The following AFMID variants were observed in gnomAD, a reference collection of about 807,000 sequenced individuals.
The protein encoded by AFMID is arylformamidase.
In AFMID, 39 loss-of-function variants were observed where a neutral mutation model predicts 47.5. The ratio of observed to expected loss-of-function variants is 0.82; its 90% CI spans 0.64 to 1.07. The LOEUF is 1.07. AFMID is among the 50% of genes least tolerant of loss of function. AFMID has a pLI of 0.00. For missense variants in AFMID, 375 were observed against 387.5 expected (o/e 0.97, Z 0.27); for synonymous variants, 130 against 153.2 (o/e 0.85, Z 1.12).
rs116736631 is a variant in AFMID at position 78,202,884 on chromosome 17, G to C, written c.308+133G>C. 2.4e-3 allele frequency: 2,685 copies of C among 1,104,172 alleles called. 34 individuals are homozygous for C. In the African/African-American group the frequency reaches 0.036, roughly 15 times the overall value. The allele number at this position is 1,104,172 out of a possible 1,614,324, so 68.4% of individuals were successfully genotyped here. A position where few individuals can be genotyped will look rare whatever the true frequency, so the allele number is the denominator to read the frequency against. On this transcript the variant is annotated intron_variant, in intron 4 of 10. Coordinates refer to ENST00000409257, the MANE Select transcript of AFMID (RefSeq NM_001010982.5). ...TGCAGGGCTGTGTCTCACAGCGCTG[G>C]AGAACGGAAGTCTCAAGTCAAATGT...
rs371248651 is a variant in AFMID at position 78,202,045 on chromosome 17, G to T, written c.155-454G>T. Reference sequence around the variant, plus strand: ...GCACCCAGCCTGGCAGTCCTCTTTCGATGGGAGGTGCTCAGAGCTGAAGCT... The same window carrying T: ...GCACCCAGCCTGGCAGTCCTCTTTCTATGGGAGGTGCTCAGAGCTGAAGCT... On this transcript the variant is annotated intron_variant, in intron 2 of 10. Coordinates refer to ENST00000409257, the MANE Select transcript of AFMID (RefSeq NM_001010982.5). 4.6e-5 allele frequency among the ~76,000 whole-genome samples: 7 copies of T among 151,898 alleles called. No homozygotes were observed. In the South Asian group the frequency reaches 1.5e-3, roughly 32 times the overall value.
rs774994433 is a variant in AFMID, at chr17:78,205,499, G to A, written c.625G>A (p.Val209Ile). 5 of 1,614,112 alleles carry A rather than the reference G, an allele frequency of 3.1e-6. No individual in the cohort carries two copies. Among genetic ancestry groups the A allele is most frequent in the South Asian group, 1.1e-5 (1 of 91,078 alleles). The change falls in exon 8 of 11, where the codon GTT becomes ATT. Residue 209 changes from valine to isoleucine, a missense_variant. Val to Ile is a conservative substitution (Grantham distance 29, BLOSUM62 3). Transcript: ENST00000409257. ...LEPIVYTSQNVALQLTLEDAQ... is the reference protein window; with the variant it reads ...LEPIVYTSQNIALQLTLEDAQ... ...GCCCATCGTGTATACTTCACAGAAC[G>A]TTGCTCTCCAGCTGACCCTGTGAGT...
At chr17:78,190,821 G>T in intron 1 of AFMID, 149 bp from the exon 2 acceptor site, 1 of 664,312 alleles carries the variant, frequency 1.5e-6, no homozygotes, top group African/African-American at 1.8e-5. Flanking sequence ...TATACCTCTA[G>T]ACCATGGATC....
At chr17:78,190,698 C>T (rs886814878) in intron 1 of AFMID, 4 of 379,442 alleles carry the variant, frequency 1.1e-5, no homozygotes, top group Admixed American at 4.2e-5. Flanking sequence ...CCTGGCCTCC[C>T]CTGGTCGTAA....
chr17:78,202,822 G>T, intron 4 of AFMID, 71 bp downstream of exon 4: 1 of 1,532,298 alleles, frequency 6.5e-7, no homozygotes, highest in Non-Finnish European at 8.8e-7. Context: ...CTCCTCCAGG[G>T]CTGCCGCAAC....
chr17:78,203,061 T>G (rs894307505), intron 4 of AFMID: 5 of 262,718 alleles, frequency 1.9e-5, no homozygotes, highest in African/African-American at 1.3e-4. Context: ...CTCTCTTTTT[T>G]TTTTTTTTTT....
At chr17:78,194,399 G>A (rs775482941) in intron 2 of AFMID, among the ~76,000 whole-genome samples, 6 of 152,208 alleles carry the variant, frequency 3.9e-5, no homozygotes, top group Non-Finnish European at 5.9e-5. Context: ...GATTATAGGC[G>A]TGAGCCACAC....
At position 78,204,912 on chromosome 17, in the gene AFMID, CA is replaced by C. The variant is rs758305920; in HGVS notation, c.467+13del. On this transcript the variant is annotated intron_variant, in intron 6 of 10. Coordinates refer to ENST00000409257, the MANE Select transcript of AFMID (RefSeq NM_001010982.5). ...TATCCAAGCAACAAGTGGGTGTTGC[CA>C]GTAGATTTTCTTCCTGTTGGACCTC... 1.9e-6 allele frequency: 3 copies of C among 1,614,066 alleles called. No individual in the cohort carries two copies. The highest frequency in any genetic ancestry group is 8.5e-7 in the Non-Finnish European group (1 of 1,179,960).
chr17:78,190,906 A>G, intron 1 of AFMID, 64 bp from the exon 2 acceptor site: 1 of 1,482,250 alleles, frequency 6.7e-7, no homozygotes, highest in Non-Finnish European at 9.3e-7. Flanking sequence ...GGCATGGGCG[A>G]GGGGGAGGGG....
chr17:78,205,583 C>T lies in AFMID; in HGVS notation c.645-20C>T. The T allele has an allele frequency of 6.2e-7, 1 of 1,614,060 alleles. No individual in the cohort carries two copies. Among genetic ancestry groups the T allele is most frequent in the Non-Finnish European group, 8.5e-7 (1 of 1,179,958 alleles). On this transcript the variant is annotated intron_variant, in intron 8 of 10. Transcript: ENST00000409257. ...GCCTGGCTCCTCTCTGTCCTGACCC[C>T]TGTCCACTCCCCACCCCAGGGAGGA... is the stretch of plus-strand genomic sequence containing the variant.
chr17:78,201,686 G>C (rs55752598), intron 2 of AFMID, among the ~76,000 whole-genome samples: 1 of 152,008 alleles, frequency 6.6e-6, no homozygotes, highest in Non-Finnish European at 1.5e-5. Context: ...GTGCTGAAAA[G>C]GGTCCTCGCA....
At chr17:78,187,850 G>T (rs1030160278) in intron 1 of AFMID, among the ~76,000 whole-genome samples, 3 of 151,390 alleles carry the variant, frequency 2.0e-5, no homozygotes, top group Non-Finnish European at 4.4e-5. Context: ...TACTGGGGAG[G>T]CTGAGACAGG....
chr17:78,199,971 T>C (rs1460246979), intron 2 of AFMID, among the ~76,000 whole-genome samples: 3 of 151,154 alleles, frequency 2.0e-5, no homozygotes, highest in Admixed American at 6.6e-5. Flanking sequence ...GCTGACTAGC[T>C]AGAATTCTGA....
At chr17:78,202,405 G>A in intron 2 of AFMID, 94 bp from the exon 3 acceptor site, 1 of 1,274,750 alleles carries the variant, frequency 7.8e-7, no homozygotes, top group Non-Finnish European at 1.1e-6. Context: ...CTCCAGCTTG[G>A]GCAACAGAGT....
At chr17:78,199,523 C>T (rs143166087) in intron 2 of AFMID, among the ~76,000 whole-genome samples, 35 of 152,160 alleles carry the variant, frequency 2.3e-4, no homozygotes, top group Middle Eastern at 3.4e-3. Flanking sequence ...TACAGGTGTG[C>T]GCCACCACGC....
Position 78,191,075 on chromosome 17 carries a change from T to C in AFMID, c.154+15T>C. The C allele has an allele frequency of 6.2e-7, 1 of 1,610,004 alleles. No individual in the cohort carries two copies. Among genetic ancestry groups the C allele is most frequent in the East Asian group, 2.2e-5 (1 of 44,810 alleles). On this transcript the variant is annotated intron_variant, in intron 2 of 10. Coordinates refer to ENST00000409257, the MANE Select transcript of AFMID (RefSeq NM_001010982.5). ...AGGAATTGAAGGTACTAGTGTGACC[T>C]CTCCGTGGCCGCATTGGGTGTCCTT...
chr17:78,206,696 C>G (rs1202767201), intron 10 of AFMID, among the ~76,000 whole-genome samples: 1 of 151,360 alleles, frequency 6.6e-6, no homozygotes, highest in Admixed American at 6.6e-5. Context: ...CCCTACCCCC[C>G]CTTCTTCTTC....
At position 78,191,052 on chromosome 17, in the gene AFMID, G is replaced by A; in HGVS notation, c.146G>A (p.Gly49Glu). ...GCCTTGAGGACCTACTCACAGATAG[G>A]AATTGAAGGTACTAGTGTGACCTCT... ...EEALRTYSQI[G>E]IEATTRARAT... The change falls in exon 2 of 11, where the codon GGA (glycine) becomes GAA (glutamate). Residue 49 changes from glycine to glutamate, a missense_variant. Transcript: ENST00000409257. 1.2e-6 allele frequency: 2 copies of A among 1,614,002 alleles called. No individual in the cohort carries two copies. The highest frequency in any genetic ancestry group is 8.5e-7 in the Non-Finnish European group (1 of 1,179,954).
At position 78,190,189 on chromosome 17, in the gene AFMID, C is replaced by T. The variant is rs1361818502; in HGVS notation, c.64-781C>T. On this transcript the variant is annotated intron_variant, in intron 1 of 10. Transcript: ENST00000409257. ...CCTCAGAATGGTTCCTTGTTACTTT[C>T]TGCATAAAGTGTGAAGGTGTTAGCC... 2.0e-5 allele frequency among the ~76,000 whole-genome samples: 3 copies of T among 151,102 alleles called. No individual in the cohort carries two copies. In the South Asian group the frequency reaches 6.3e-4, roughly 32 times the overall value.
Sources: allele counts gnomAD v4.1 joint callset (sites outside exome capture counted in the v4.1 genomes callset), GRCh38; gene constraint gnomAD v4.1.1; transcripts MANE v1.5; gene names NCBI Gene and HGNC (gene_info 2026-07-23, HGNC 2026-07-21).